EML4: variants seen among roughly 807,000 people sequenced by gnomAD.
The protein encoded by EML4 is EMAP like 4, also known as echinoderm microtubule-associated protein-like 4.
In EML4, 72 loss-of-function variants were observed where a neutral mutation model predicts 129.0. The ratio of observed to expected loss-of-function variants is 0.56; its 90% CI spans 0.46 to 0.68. The LOEUF (loss-of-function observed/expected upper bound fraction) is 0.68, where lower values mean the gene tolerates loss of function less well. Ranked by LOEUF, EML4 falls within the 30% of genes least tolerant of loss-of-function variation. The pLI is 0.00. For missense variants in EML4, 1,363 were observed against 1,190.6 expected (o/e 1.14, Z -2.13); for synonymous variants, 532 against 405.0 (o/e 1.31, Z -3.77).
At chr2:42,227,045 A>G (rs1001035492) in intron 1 of EML4, among the ~76,000 whole-genome samples, 1 of 152,138 alleles carries the variant, frequency 6.6e-6, no homozygotes, top group African/African-American at 2.4e-5. Context: ...CTTGTACTGA[A>G]CTTGTTTAAT....
At chr2:42,277,598 C>T (rs990467193) in intron 6 of EML4, among the ~76,000 whole-genome samples, 2 of 143,182 alleles carry the variant, frequency 1.4e-5, no homozygotes, top group Non-Finnish European at 3.0e-5. Context: ...GAGACGGAGT[C>T]TCACTCTGTC....
intron 1 of EML4, among the ~76,000 whole-genome samples, chr2:42,206,209 A>T (rs1011141876): frequency 1.2e-4 from 18 of 152,024 alleles, no homozygotes; most frequent in Non-Finnish European, 1.5e-5. Flanking sequence ...TTTAGTTTTT[A>T]ATTTTAATTA....
intron 17 of EML4, among the ~76,000 whole-genome samples, chr2:42,315,161 A>G (rs975179396): frequency 6.6e-6 from 1 of 152,102 alleles, no homozygotes; most frequent in African/African-American, 2.4e-5. Context: ...CCTCCTGCCT[A>G]AAATGTCTGA....
chr2:42,300,031 A>C (rs1033496406), intron 13 of EML4, among the ~76,000 whole-genome samples: 1 of 152,348 alleles, frequency 6.6e-6, no homozygotes, highest in Admixed American at 6.5e-5. Flanking sequence ...TGGTGGTAGC[A>C]TGTGTCAATA....
At chr2:42,288,528 G>A (rs1667442088) in intron 11 of EML4, 1 of 320,568 alleles carries the variant, frequency 3.1e-6, no homozygotes, top group South Asian at 9.2e-5. Context: ...GCAACTTGAA[G>A]CAATTTCAAT....
intron 13 of EML4, among the ~76,000 whole-genome samples, chr2:42,296,660 C>T (rs1003413389): frequency 2.0e-5 from 3 of 152,162 alleles, no homozygotes; most frequent in Non-Finnish European, 2.9e-5. Flanking sequence ...TGTTTGAAAA[C>T]TATTTGTCAA....
chr2:42,315,046 T>G (rs1669165116), intron 17 of EML4, among the ~76,000 whole-genome samples: 1 of 152,234 alleles, frequency 6.6e-6, no homozygotes, highest in Non-Finnish European at 1.5e-5. Flanking sequence ...GAGTTCTCCC[T>G]GCTGGTTCTT....
chr2:42,282,349 C>T (rs766078522), intron 7 of EML4, among the ~76,000 whole-genome samples: 13 of 137,924 alleles, frequency 9.4e-5, no homozygotes, highest in South Asian at 6.8e-4. Flanking sequence ...AGTCAGGTTA[C>T]GCTAGGGATA....
intron 1 of EML4, among the ~76,000 whole-genome samples, chr2:42,219,107 A>C (rs1673390070): frequency 6.6e-6 from 1 of 152,258 alleles, no homozygotes; most frequent in Non-Finnish European, 1.5e-5. Context: ...AAGAACCCAC[A>C]GTGAACATAG....
chr2:42,193,316 C>T (rs1022936589), intron 1 of EML4, among the ~76,000 whole-genome samples: 1 of 152,188 alleles, frequency 6.6e-6, no homozygotes, highest in Non-Finnish European at 1.5e-5. Flanking sequence ...GCCTGTGATG[C>T]ATTTCTCAGA....
intron 6 of EML4, among the ~76,000 whole-genome samples, chr2:42,273,564 T>G (rs1161919108): frequency 6.6e-6 from 1 of 152,038 alleles, no homozygotes; most frequent in African/African-American, 2.4e-5. Context: ...TCTTAAGAGG[T>G]TAGGTTCATA....
At chr2:42,208,655 G>C (rs1672704785) in intron 1 of EML4, among the ~76,000 whole-genome samples, 1 of 151,824 alleles carries the variant, frequency 6.6e-6, no homozygotes, top group Non-Finnish European at 1.5e-5. Context: ...GGCTGGTCTT[G>C]AACTCCTGAC....
At chr2:42,329,097 G>A in intron 22 of EML4, 81 bp downstream of exon 22, 1 of 1,414,658 alleles carries the variant, frequency 7.1e-7, no homozygotes, top group South Asian at 1.3e-5. Flanking sequence ...GAAAATATAG[G>A]TTACTGATTC....
intron 10 of EML4, among the ~76,000 whole-genome samples, chr2:42,287,674 A>G (rs1315452665): frequency 1.3e-5 from 2 of 152,220 alleles, no homozygotes; most frequent in East Asian, 3.8e-4. Flanking sequence ...TCAGAAAAAC[A>G]GGAAATTTCA....
chr2:42,250,493 G>T (rs1675698545), intron 2 of EML4, among the ~76,000 whole-genome samples: 1 of 152,112 alleles, frequency 6.6e-6, no homozygotes, highest in Non-Finnish European at 1.5e-5. Context: ...TTGTGGAAGG[G>T]GATGATGGAG....
chr2:42,253,157 G>C (rs2104341086), intron 2 of EML4, among the ~76,000 whole-genome samples: 1 of 152,292 alleles, frequency 6.6e-6, no homozygotes, highest in East Asian at 1.9e-4. Flanking sequence ...TAGGAATTCA[G>C]AATAAACTGA....
chr2:42,169,694 C>T, intron 1 of EML4, 58 bp downstream of exon 1: 2 of 1,576,262 alleles, frequency 1.3e-6, no homozygotes, highest in Admixed American at 1.8e-5. Context: ...TTTTTCCTTC[C>T]GCACACAGCC....
Position 42,330,587 on chromosome 2 carries a change from CTGTTACT to C in EML4, c.*381_*387del, listed in dbSNP as rs1238635650. 2.5e-6 allele frequency: 1 copy of C among 403,064 alleles called. No homozygotes were observed. Among genetic ancestry groups the C allele is most frequent in the African/African-American group, 2.0e-5 (1 of 49,668 alleles). The allele number at this position is 403,064 out of a possible 1,614,324, so 25.0% of individuals were successfully genotyped here. The stretch of plus-strand genomic sequence containing the variant: ...GGAACAACCAGAGGTATCACAAACA[CTGTTACT>C]CATCTACTGGCTCAGACTGTACTAC... On this transcript the variant is annotated 3_prime_UTR_variant, in exon 23 of 23. Transcript: ENST00000318522.
intron 1 of EML4, among the ~76,000 whole-genome samples, chr2:42,213,682 G>C (rs1426111367): frequency 6.6e-6 from 1 of 151,872 alleles, no homozygotes; most frequent in Non-Finnish European, 1.5e-5. Context: ...TTGCTTCCTT[G>C]ACTAGAAAAC....
Sources: allele counts gnomAD v4.1 joint callset (sites outside exome capture counted in the v4.1 genomes callset), GRCh38; gene constraint gnomAD v4.1.1; transcripts MANE v1.5; gene names NCBI Gene and HGNC (gene_info 2026-07-23, HGNC 2026-07-21).